SHANK2: variants seen among roughly 807,000 people sequenced by gnomAD.
SHANK2 encodes SH3 and multiple ankyrin repeat domains 2, also known as SH3 and multiple ankyrin repeat domains protein 2.
In SHANK2, 43 loss-of-function variants were observed where a neutral mutation model predicts 133.7. That is an observed-to-expected ratio of 0.32 (90% CI 0.25 to 0.41). SHANK2 has a LOEUF of 0.41. SHANK2 is among the 10% of genes least tolerant of loss of function. The pLI is 1.00. For missense variants in SHANK2, 1,994 were observed against 2,235.8 expected, an observed-to-expected ratio of 0.89 and a Z score of 2.18; for synonymous variants, 1,017 against 952.8, an observed-to-expected ratio of 1.07 and a Z score of -1.24.
intron 11 of SHANK2, among the ~76,000 whole-genome samples, chr11:70,833,080 C>T (rs562576589): frequency 5.9e-5 from 9 of 152,382 alleles, no homozygotes; most frequent in African/African-American, 1.7e-4. Flanking sequence ...CCTCAGCTTC[C>T]CCAGCTGCTG....
intron 17 of SHANK2, chr11:70,571,416 G>C (rs2136180781): frequency 6.6e-6 from 1 of 152,372 alleles, no homozygotes; most frequent in East Asian, 1.9e-4. Flanking sequence ...CTTCTGCAGA[G>C]AAAGGGCATG....
chr11:71,071,156 C>A (rs1395359713), intron 9 of SHANK2, among the ~76,000 whole-genome samples: 1 of 152,104 alleles, frequency 6.6e-6, no homozygotes, highest in Non-Finnish European at 1.5e-5. Flanking sequence ...TTTTTCCATC[C>A]AAAGCAGTAA....
intron 21 of SHANK2, among the ~76,000 whole-genome samples, chr11:70,495,200 G>A (rs1035376727): frequency 6.6e-6 from 1 of 152,190 alleles, no homozygotes; most frequent in Non-Finnish European, 1.5e-5. Context: ...TCCCTTTGCT[G>A]GGGTCCCTGT....
chr11:71,162,317 G>C (rs1176737211), intron 2 of SHANK2, among the ~76,000 whole-genome samples: 1 of 152,206 alleles, frequency 6.6e-6, no homozygotes, highest in East Asian at 1.9e-4. Context: ...GTGAGATCAT[G>C]CATGTAGCTC....
chr11:70,532,237 C>T (rs1316868720), intron 17 of SHANK2, among the ~76,000 whole-genome samples: 4 of 152,134 alleles, frequency 2.6e-5, no homozygotes, highest in Non-Finnish European at 5.9e-5. Context: ...CCATACTGTG[C>T]AAGATAAATG....
chr11:70,818,570 A>C (rs1948452342), intron 12 of SHANK2, among the ~76,000 whole-genome samples: 1 of 152,150 alleles, frequency 6.6e-6, no homozygotes, highest in African/African-American at 2.4e-5. Context: ...TAAGTGTGTG[A>C]AGTGGAATTG....
chr11:70,867,627 C>T (rs967291224), intron 11 of SHANK2, among the ~76,000 whole-genome samples: 11 of 152,264 alleles, frequency 7.2e-5, no homozygotes, highest in African/African-American at 1.7e-4. Flanking sequence ...TGAGAATCGA[C>T]GCTATAGATT....
intron 17 of SHANK2, among the ~76,000 whole-genome samples, chr11:70,579,739 G>T (rs1437234048): frequency 3.9e-5 from 6 of 152,236 alleles, no homozygotes; most frequent in Non-Finnish European, 8.8e-5. Flanking sequence ...ACCATAAGCC[G>T]CAAAAGGGAC....
rs1219138702 is a variant in SHANK2 at position 71,065,624 on chromosome 11, G to A, written c.1030-9066C>T. On this transcript the variant is annotated intron_variant, in intron 9 of 25. Coordinates refer to ENST00000601538, the MANE Select transcript of SHANK2 (RefSeq NM_012309.5). Reference sequence around the variant, plus strand: ...GTGAGTGGGGACGTTGCAGGGGGGTGTGTGCAGAACTCTCCCAGGGAGATG... The same window carrying A: ...GTGAGTGGGGACGTTGCAGGGGGGTATGTGCAGAACTCTCCCAGGGAGATG... Among the ~76,000 whole-genome samples, 6 of 134,338 alleles carry A rather than the reference G, an allele frequency of 4.5e-5. 1 individual carries two copies. The Admixed American group carries it at 4.6e-4, about 10-fold the overall frequency. The allele number at this position is 134,338 out of a possible 152,430, so 88.1% of individuals were successfully genotyped here. A position where few individuals can be genotyped will look rare whatever the true frequency, so the allele number is the denominator to read the frequency against.
At chr11:71,193,888 A>T (rs559716951) in intron 2 of SHANK2, among the ~76,000 whole-genome samples, 6 of 152,108 alleles carry the variant, frequency 3.9e-5, no homozygotes, top group Non-Finnish European at 8.8e-5. Flanking sequence ...GTCACAATAG[A>T]TCAGGCCCCA....
Position 70,882,559 on chromosome 11 carries a change from G to A in SHANK2, c.1174+13942C>T, listed in dbSNP as rs1158640072. On this transcript the variant is annotated intron_variant, in intron 11 of 25. Transcript: ENST00000601538. This position sits in a 1 kb window ranked among gnomAD's most constrained non-coding sequence, Gnocchi z 4.2. ...GTGACCTTGTCATTAATAGGTCACA[G>A]AACAGGAGCAGGGGCCAGCTGGGCT... 6.6e-6 allele frequency among the ~76,000 whole-genome samples: 1 copy of A among 152,220 alleles called. No homozygotes were observed. The highest frequency in any genetic ancestry group is 1.5e-5 in the Non-Finnish European group (1 of 68,038).
chr11:70,587,134 C>T (rs1415275014), intron 17 of SHANK2, among the ~76,000 whole-genome samples: 1 of 152,208 alleles, frequency 6.6e-6, no homozygotes, highest in Non-Finnish European at 1.5e-5. Context: ...GACCACAACA[C>T]TAGGGTTGTT....
At position 70,473,281 on chromosome 11, in the gene SHANK2, G is replaced by A. The variant is rs782171524; in HGVS notation, c.5138C>T (p.Ser1713Leu). 1.9e-5 allele frequency: 30 copies of A among 1,613,504 alleles called. No homozygotes were observed. The highest frequency in any genetic ancestry group is 1.7e-4 in the Middle Eastern group (1 of 6,060). ...GTRRAPSPVV[S>L]PTEMNKETLP... ...GGTCTCTTTGTTCATCTCTGTTGGC[G>A]AGACCACAGGGCTTGGGGCACGTCT... Residue 1713 changes from serine (S) to leucine (L), a missense_variant, in exon 26 of 26, where the codon TCG becomes TTG. Physicochemically the swap from Ser to Leu is moderately radical, Grantham distance 145. Transcript: ENST00000601538. This position sits in a 1 kb window ranked among gnomAD's most constrained non-coding sequence, Gnocchi z 5.9.
At chr11:71,201,224 C>T (rs114584732) in intron 2 of SHANK2, among the ~76,000 whole-genome samples, 4,652 of 152,296 alleles carry the variant, frequency 0.031, 106 homozygotes, top group African/African-American at 0.062. Context: ...TGCCCTCCCC[C>T]ATATTCCAAC....
chr11:71,203,278 C>T (rs781905300), intron 2 of SHANK2, among the ~76,000 whole-genome samples: 2 of 152,160 alleles, frequency 1.3e-5, no homozygotes, highest in Non-Finnish European at 2.9e-5. Flanking sequence ...AAGTCAATCT[C>T]CCACATGCCT....
Position 71,191,045 on chromosome 11 carries a change from G to A in SHANK2, c.-13+33652C>T, listed in dbSNP as rs568531263. Among the ~76,000 whole-genome samples, 59 of 152,086 alleles carry A rather than the reference G, an allele frequency of 3.9e-4. No homozygotes were observed. In the South Asian group the frequency reaches 0.012, roughly 31 times the overall value. On this transcript the variant is annotated intron_variant, in intron 2 of 25. Coordinates refer to ENST00000601538, the MANE Select transcript of SHANK2 (RefSeq NM_012309.5). ...AGAGATACCAGGCACAGTGGCTCAC[G>A]CCTGTAATCCAGGACTTTAGGAGGC... is the stretch of plus-strand genomic sequence containing the variant.
Position 70,591,150 on chromosome 11 carries a change from G to A in SHANK2, c.2061+68678C>T, listed in dbSNP as rs374190734. ...GGACCTCACTTGAGGTCAGGAGTTC[G>A]AGACCAACCTGGCCAACATGGTGAA... On this transcript the variant is annotated intron_variant, in intron 17 of 25. Coordinates refer to ENST00000601538, the MANE Select transcript of SHANK2 (RefSeq NM_012309.5). 1.4e-3 allele frequency among the ~76,000 whole-genome samples: 220 copies of A among 152,232 alleles called. 2 individuals are homozygous for A. The highest frequency in any genetic ancestry group is 5.0e-3 in the African/African-American group (206 of 41,534).
chr11:70,571,943 G>A (rs1239398190), intron 17 of SHANK2, among the ~76,000 whole-genome samples: 1 of 152,210 alleles, frequency 6.6e-6, no homozygotes, highest in African/African-American at 2.4e-5. Context: ...ATGGCATGGT[G>A]TTGGGGGTGA....
In SHANK2 at chr11:70,618,594, G is replaced by C. The variant is rs538023999; in HGVS notation, c.2061+41234C>G. ...TCAGTAATTAAGTCATAAAACACAA[G>C]GCTGGCTACTTAGAGCAGAATTACG... On this transcript the variant is annotated intron_variant, in intron 17 of 25. Transcript: ENST00000601538. Among the ~76,000 whole-genome samples the C allele has an allele frequency of 2.0e-5, 3 of 152,304 alleles. No homozygotes were observed. In the South Asian group the frequency reaches 6.2e-4, roughly 32 times the overall value.
Sources: allele counts gnomAD v4.1 joint callset (sites outside exome capture counted in the v4.1 genomes callset), GRCh38; gene constraint gnomAD v4.1.1; non-coding constraint Gnocchi (gnomAD v3.1); transcripts MANE v1.5; gene names NCBI Gene and HGNC (gene_info 2026-07-23, HGNC 2026-07-21).